Variants in ABCD2 observed in about 807,000 individuals in gnomAD.
The protein encoded by ABCD2 is ATP binding cassette subfamily D member 2.
ABCD2 carries 36 observed loss-of-function variants against 70.9 expected under a neutral mutation model. The observed-to-expected ratio is 0.51, with a 90% CI of 0.39 to 0.67. The LOEUF is 0.67. Among genes scored for constraint, ABCD2 ranks in the 30% least tolerant of loss-of-function variants. The pLI, the probability that ABCD2 is intolerant of heterozygous loss-of-function variation, is 0.00. For missense variants in ABCD2, 729 were observed against 890.2 expected (o/e 0.82, Z 2.30); for synonymous variants, 304 against 306.9 (o/e 0.99, Z 0.10).
the ABCD2 span, among the ~76,000 whole-genome samples, chr12:39,540,679 C>T: frequency 6.6e-6 from 1 of 152,190 alleles, no homozygotes; most frequent in African/African-American, 2.4e-5. Context: ...GAACTTTGGT[C>T]TCCACAATCT....
intron 8 of ABCD2, 112 bp from the exon 9 acceptor site, chr12:39,573,953 G>GCCATA: frequency 1.9e-6 from 2 of 1,061,606 alleles, no homozygotes; most frequent in Non-Finnish European, 2.6e-6. Flanking sequence ...AAAAGACTAT[G>GCCATA]GCATTATTAA....
intron 9 of ABCD2, among the ~76,000 whole-genome samples, chr12:39,568,006 G>A (rs1053399059): frequency 6.6e-6 from 1 of 151,830 alleles, no homozygotes; most frequent in Non-Finnish European, 1.5e-5. Context: ...CTGTTAGTCT[G>A]ATGGGCTTCC....
the ABCD2 span, among the ~76,000 whole-genome samples, chr12:39,533,627 T>G: frequency 6.6e-6 from 1 of 152,226 alleles, no homozygotes; most frequent in Non-Finnish European, 1.5e-5. Flanking sequence ...TGTGGAAAAT[T>G]TTCTTCTTTA....
At chr12:39,559,364 T>C (rs984529825) in intron 9 of ABCD2, among the ~76,000 whole-genome samples, 2 of 119,322 alleles carry the variant, frequency 1.7e-5, no homozygotes, top group Admixed American at 1.2e-4. Context: ...GTGACAAGAG[T>C]GAGACTCCAG....
chr12:39,609,404 G>A (rs905200094), intron 2 of ABCD2, among the ~76,000 whole-genome samples: 1 of 152,164 alleles, frequency 6.6e-6, no homozygotes, highest in South Asian at 2.1e-4. Flanking sequence ...AGGGTTATTG[G>A]TGAAAACCGA....
chr12:39,563,702 T>A (rs1941296293), intron 9 of ABCD2, among the ~76,000 whole-genome samples: 1 of 152,204 alleles, frequency 6.6e-6, no homozygotes, highest in Non-Finnish European at 1.5e-5. Flanking sequence ...TGTATACATG[T>A]GCCATGTTGG....
rs1268319544 is a variant in ABCD2 at position 39,607,598 on chromosome 12, C to A, written c.1236+1G>T. The A allele has an allele frequency of 6.3e-7, 1 of 1,586,976 alleles. No individual in the cohort carries two copies. The highest frequency in any genetic ancestry group is 1.8e-5 in the Admixed American group (1 of 55,886). On this transcript the variant is annotated splice_donor_variant, in intron 3 of 9. Coordinates refer to ENST00000308666, the MANE Select transcript of ABCD2 (RefSeq NM_005164.4). LOFTEE classifies it high-confidence loss of function. The stretch of plus-strand genomic sequence containing the variant: ...GAATTGACAATAAGAAATGCAAGTA[C>A]CTCTTTGTATGAAGACATAATCCTT...
chr12:39,603,590 A>T (rs1941929888), intron 5 of ABCD2, among the ~76,000 whole-genome samples: 1 of 152,054 alleles, frequency 6.6e-6, no homozygotes. Flanking sequence ...TGGCTTTTTA[A>T]AAAATAATTT....
intron 9 of ABCD2, among the ~76,000 whole-genome samples, chr12:39,571,191 A>G (rs540410643): frequency 6.6e-6 from 1 of 152,324 alleles, no homozygotes; most frequent in African/African-American, 2.4e-5. Flanking sequence ...AAATAGAACT[A>G]CAAAATGATC....
At chr12:39,581,368 C>T (rs1941593376) in intron 7 of ABCD2, among the ~76,000 whole-genome samples, 1 of 152,046 alleles carries the variant, frequency 6.6e-6, no homozygotes, top group African/African-American at 2.4e-5. Context: ...CCAGTGACAC[C>T]TGAAATCTCA....
At chr12:39,531,891 G>C in the ABCD2 span, among the ~76,000 whole-genome samples, 1 of 152,250 alleles carries the variant, frequency 6.6e-6, no homozygotes, top group Non-Finnish European at 1.5e-5. Flanking sequence ...AAAAATCGCT[G>C]AACGTTACGT....
chr12:39,562,005 T>A (rs1453859196), intron 9 of ABCD2, among the ~76,000 whole-genome samples: 3 of 152,228 alleles, frequency 2.0e-5, no homozygotes, highest in East Asian at 1.9e-4. Flanking sequence ...CTCTCTTGAA[T>A]GATATAAACC....
At chr12:39,569,502 C>T (rs932565451) in intron 9 of ABCD2, among the ~76,000 whole-genome samples, 2 of 152,230 alleles carry the variant, frequency 1.3e-5, no homozygotes, top group African/African-American at 2.4e-5. Flanking sequence ...GGGAGTGACC[C>T]GATTTTCCAG....
intron 1 of ABCD2, 27 bp from the exon 2 acceptor site, chr12:39,617,195 CTT>C (rs761231874): frequency 6.8e-7 from 1 of 1,468,440 alleles, no homozygotes; most frequent in Non-Finnish European, 9.1e-7. Context: ...GAGTTGAGGA[CTT>C]TTTTTAAAGA....
chr12:39,566,725 G>T (rs1280136877), intron 9 of ABCD2, among the ~76,000 whole-genome samples: 5 of 151,940 alleles, frequency 3.3e-5, no homozygotes, highest in Non-Finnish European at 7.4e-5. Context: ...GTGATGTTAG[G>T]GTGTCAATTT....
chr12:39,595,609 A>T (rs2120684708), intron 6 of ABCD2, among the ~76,000 whole-genome samples: 1 of 152,344 alleles, frequency 6.6e-6, no homozygotes, highest in South Asian at 2.1e-4. Flanking sequence ...TTTATCAAGT[A>T]GTATTTATAT....
At chr12:39,531,747 C>T in the ABCD2 span, among the ~76,000 whole-genome samples, 1 of 152,132 alleles carries the variant, frequency 6.6e-6, no homozygotes, top group African/African-American at 2.4e-5. Context: ...GAGGGGCTGT[C>T]CCAGATTTTG....
chr12:39,609,404 G>T (rs905200094), intron 2 of ABCD2, among the ~76,000 whole-genome samples: 1 of 152,164 alleles, frequency 6.6e-6, no homozygotes, highest in African/African-American at 2.4e-5. Flanking sequence ...AGGGTTATTG[G>T]TGAAAACCGA....
chr12:39,611,361 T>G (rs1566587976), intron 2 of ABCD2, among the ~76,000 whole-genome samples: 1 of 152,150 alleles, frequency 6.6e-6, no homozygotes, highest in East Asian at 1.9e-4. Context: ...TTCTGATCAG[T>G]TTTTGTAAAC....
Sources: gnomAD v4.1 joint callset for allele counts (sites outside exome capture counted in the v4.1 genomes callset) on GRCh38, gnomAD v4.1.1 for gene constraint, MANE v1.5 for transcripts, NCBI Gene and HGNC (gene_info 2026-07-23, HGNC 2026-07-21) for gene names.